ERVV-2: variants seen among roughly 807,000 people sequenced by gnomAD.
ERVV-2 encodes endogenous retrovirus group V member 2, envelope, also known as endogenous retrovirus group V member 2 Env polyprotein.
For synonymous variants in ERVV-2, 105 were observed against 184.6 expected (o/e 0.57, Z 3.49); for missense variants, 291 against 495.1 (o/e 0.59, Z 3.91).
intron 1 of ERVV-2, among the ~76,000 whole-genome samples, chr19:53,047,945 C>T (rs767333080): frequency 7.0e-4 from 107 of 152,114 alleles, no homozygotes; most frequent in Non-Finnish European, 1.3e-3. Flanking sequence ...CTGCCAACAC[C>T]AACACAAATG....
intron 1 of ERVV-2, among the ~76,000 whole-genome samples, chr19:53,046,043 C>T (rs1188043754): frequency 2.0e-5 from 3 of 152,018 alleles, no homozygotes; most frequent in South Asian, 4.2e-4. Context: ...GGGTGGATCA[C>T]CTGAGGGCAG....
rs184054973 is a variant in ERVV-2 at position 53,050,599 on chromosome 19, G to A, written c.1348G>A (p.Ala450Thr). The A allele has an allele frequency of 3.5e-4, 364 of 1,053,414 alleles. 3 individuals are homozygous for A. The East Asian group carries it at 6.7e-3, about 19-fold the overall frequency. The allele number at this position is 1,053,414 out of a possible 1,614,324, so 65.3% of individuals were successfully genotyped here. ...ARAIWEAVKS[A>T]LPSLNWFVPL... Reference sequence around the variant, plus strand: ...GGCCATCTGGGAGGCTGTGAAGTCTGCCCTCCCCTCCCTCAACTGGTTTGT... The same window carrying A: ...GGCCATCTGGGAGGCTGTGAAGTCTACCCTCCCCTCCCTCAACTGGTTTGT... Residue 450 changes from alanine to threonine, a missense_variant, in exon 2 of 2, where the codon GCC becomes ACC. Transcript: ENST00000601417.
intron 1 of ERVV-2, among the ~76,000 whole-genome samples, chr19:53,046,974 T>C (rs1471257663): frequency 6.6e-6 from 1 of 152,228 alleles, no homozygotes; most frequent in East Asian, 1.9e-4. Context: ...GAGACCAGCC[T>C]GGCCAATATG....
At chr19:53,048,034 A>C (rs2083897390) in intron 1 of ERVV-2, among the ~76,000 whole-genome samples, 1 of 151,190 alleles carries the variant, frequency 6.6e-6, no homozygotes, top group East Asian at 1.9e-4. Context: ...AAACGGGCTC[A>C]AAAGAAAAAG....
chr19:53,050,426 T>G lies in ERVV-2; in HGVS notation c.1175T>G (p.Leu392Ter). The G allele has an allele frequency of 1.3e-6, 1 of 741,076 alleles. No homozygotes were observed. The highest frequency in any genetic ancestry group is 2.4e-6 in the Non-Finnish European group (1 of 419,932). The allele number at this position is 741,076 out of a possible 1,614,324, so 45.9% of individuals were successfully genotyped here. A position where few individuals can be genotyped will look rare whatever the true frequency, so the allele number is the denominator to read the frequency against. The change falls in exon 2 of 2, where the codon TTA becomes TGA. Residue 392 changes from leucine to a stop codon, truncating the protein, a stop_gained. Coordinates refer to ENST00000601417, the MANE Select transcript of ERVV-2 (RefSeq NM_001191055.2). LOFTEE classifies it low-confidence loss of function (END_TRUNC). ...AACAGATTGGCCTTAGATTACCTCT[T>G]AGCAGAGCAGGGTGGAGTCTGTGCA... ...MDNRLALDYL[L>*]AEQGGVCAVI...
At chr19:53,046,409 T>C (rs1434277749) in intron 1 of ERVV-2, among the ~76,000 whole-genome samples, 1 of 152,176 alleles carries the variant, frequency 6.6e-6, no homozygotes, top group Admixed American at 6.5e-5. Flanking sequence ...CCTTACTCCC[T>C]AGTTTCTCTG....
At chr19:53,046,143 T>C (rs2083890001) in intron 1 of ERVV-2, among the ~76,000 whole-genome samples, 1 of 151,974 alleles carries the variant, frequency 6.6e-6, no homozygotes, top group South Asian at 2.1e-4. Context: ...ACGCTTGTAA[T>C]CCCAGCTACT....
rs562128498 is a variant in ERVV-2, at chr19:53,049,085, C to T, written c.-167C>T. 1.2e-4 allele frequency: 93 copies of T among 744,046 alleles called. No homozygotes were observed. In the East Asian group the frequency reaches 2.0e-3, roughly 16 times the overall value. The allele number at this position is 744,046 out of a possible 1,614,324, so 46.1% of individuals were successfully genotyped here. On this transcript the variant is annotated 5_prime_UTR_variant, in exon 2 of 2. Coordinates refer to ENST00000601417, the MANE Select transcript of ERVV-2 (RefSeq NM_001191055.2). ...ATCTCAGTACGGGGAATCTTGGTTG[C>T]GGTGGCATTGGTTCTTCTCCTTATT... is the stretch of plus-strand genomic sequence containing the variant.
Position 53,051,397 on chromosome 19 carries a change from C to G in ERVV-2, c.*538C>G, listed in dbSNP as rs749504825. ...CTGACTTCAGGTGATTCGCTCGCCTCGGCCTCCTAAAGTGCTGGGATTATA... is the reference window on the plus strand; with the variant it reads ...CTGACTTCAGGTGATTCGCTCGCCTGGGCCTCCTAAAGTGCTGGGATTATA... On this transcript the variant is annotated 3_prime_UTR_variant, in exon 2 of 2. Transcript: ENST00000601417. Among the ~76,000 whole-genome samples, 8 of 151,958 alleles carry G rather than the reference C, an allele frequency of 5.3e-5. No individual in the cohort carries two copies. The highest frequency in any genetic ancestry group is 1.9e-4 in the African/African-American group (8 of 41,360).
chr19:53,048,819 C>G (rs778814928), intron 1 of ERVV-2, 48 bp from the exon 2 acceptor site: 1 of 273,668 alleles, frequency 3.7e-6, no homozygotes. Flanking sequence ...TGGGTCTCAA[C>G]TCCCTTATGG....
In ERVV-2 at chr19:53,050,723, A is replaced by G. The variant is rs900534755; in HGVS notation, c.1472A>G (p.Gln491Arg). Reference protein sequence around the residue: ...LIKCVSSRIKQFHMKSPQMER... With the variant: ...LIKCVSSRIKRFHMKSPQMER... ...AAGTGTGTCTCTTCTAGGATAAAGC[A>G]ATTTCACATGAAGTCCCCCCAAATG... The change falls in exon 2 of 2, where the codon CAA (glutamine) becomes CGA (arginine). Residue 491 changes from glutamine (Q) to arginine (R), a missense_variant. Gln to Arg is a conservative substitution (Grantham distance 43). Transcript: ENST00000601417. 26 of 1,535,908 alleles carry G rather than the reference A, an allele frequency of 1.7e-5. No individual in the cohort carries two copies. In the African/African-American group the frequency reaches 3.3e-4, roughly 19 times the overall value.
rs1568463949 is a variant in ERVV-2, at chr19:53,050,087, C to CA, written c.836_837insA (p.Val280CysfsTer9). On this transcript the variant is annotated frameshift_variant, in exon 2 of 2. Transcript: ENST00000601417. LOFTEE classifies it low-confidence loss of function (END_TRUNC). ...CCTAAGATAACCTATTCAACCCCCC[C>CA]TGTGGCAAACCTCTACACTTGCATT... is the stretch of plus-strand genomic sequence containing the variant. The CA allele has an allele frequency of 6.8e-7, 1 of 1,472,464 alleles. No homozygotes were observed. The allele number at this position is 1,472,464 out of a possible 1,614,324, so 91.2% of individuals were successfully genotyped here.
At position 53,050,081 on chromosome 19, in the gene ERVV-2, C is replaced by T. The variant is rs1600777113; in HGVS notation, c.830C>T (p.Thr277Ile). 6.8e-6 allele frequency: 10 copies of T among 1,470,270 alleles called. 1 individual carries two copies. The East Asian group carries it at 1.5e-4, about 22-fold the overall frequency. The allele number at this position is 1,470,270 out of a possible 1,614,324, so 91.1% of individuals were successfully genotyped here. ...FDGSPKITYSTPPVANLYTCI... is the reference protein window; with the variant it reads ...FDGSPKITYSIPPVANLYTCI... ...GGAAGTCCTAAGATAACCTATTCAA[C>T]CCCCCCTGTGGCAAACCTCTACACT... Residue 277 changes from threonine (T) to isoleucine (I), a missense_variant, in exon 2 of 2, where the codon ACC (threonine) becomes ATC (isoleucine). Transcript: ENST00000601417.
chr19:53,047,055 C>A (rs1051749607), intron 1 of ERVV-2, among the ~76,000 whole-genome samples: 4 of 151,894 alleles, frequency 2.6e-5, no homozygotes, highest in Admixed American at 2.6e-4. Context: ...GCTATTCAGG[C>A]GGCTGAGGCA....
At chr19:53,048,675 C>CAAAAA (rs34725225) in intron 1 of ERVV-2, among the ~76,000 whole-genome samples, 192 bp from the exon 2 acceptor site, 28 of 92,188 alleles carry the variant, frequency 3.0e-4, no homozygotes, top group African/African-American at 7.2e-4. Context: ...AATTCCATCT[C>CAAAAA]AAAAAAAAAA....
chr19:53,046,262 G>GA (rs1000139136), intron 1 of ERVV-2, among the ~76,000 whole-genome samples: 68 of 145,022 alleles, frequency 4.7e-4, no homozygotes, highest in South Asian at 1.3e-3. Flanking sequence ...AACTCTGTCT[G>GA]AAAAAAAAAA....
chr19:53,048,242 C>T (rs956942482), intron 1 of ERVV-2, among the ~76,000 whole-genome samples: 2 of 151,960 alleles, frequency 1.3e-5, no homozygotes, highest in African/African-American at 2.4e-5. Context: ...GGCATGGTGG[C>T]GGTCACCTGT....
intron 1 of ERVV-2, among the ~76,000 whole-genome samples, chr19:53,047,030 G>A (rs1023686926): frequency 6.6e-6 from 1 of 152,156 alleles, no homozygotes; most frequent in African/African-American, 2.4e-5. Context: ...CTGGTGGCAT[G>A]GATCTGTTAT....
chr19:53,048,333 C>T (rs1221017585), intron 1 of ERVV-2, among the ~76,000 whole-genome samples: 2 of 152,080 alleles, frequency 1.3e-5, no homozygotes, highest in African/African-American at 2.4e-5. Context: ...TGAGATCGCA[C>T]CATTGCACTC....
Sources: allele counts gnomAD v4.1 joint callset (sites outside exome capture counted in the v4.1 genomes callset), GRCh38; gene constraint gnomAD v4.1.1; transcripts MANE v1.5; gene names NCBI Gene and HGNC (gene_info 2026-07-23, HGNC 2026-07-21).